Variants in COL22A1 observed in about 807,000 individuals in gnomAD.
The protein encoded by COL22A1 is collagen alpha-1(XXII) chain.
In COL22A1, 221 loss-of-function variants were observed where a neutral mutation model predicts 248.9. The observed-to-expected ratio is 0.89, with a 90% CI of 0.80 to 0.99. COL22A1 has a LOEUF of 0.99. COL22A1 is among the 50% of genes least tolerant of loss of function. COL22A1 has a pLI of 0.00. For synonymous variants in COL22A1, 891 were observed against 793.4 expected (o/e 1.12, Z -2.07); for missense variants, 2,240 against 2,179.0 (o/e 1.03, Z -0.56).
At chr8:138,680,165 C>G (rs1587844995) in intron 39 of COL22A1, among the ~76,000 whole-genome samples, 1 of 152,284 alleles carries the variant, frequency 6.6e-6, no homozygotes, top group South Asian at 2.1e-4. Flanking sequence ...TAAGAAAGAA[C>G]AGAGCACATG....
chr8:138,613,369 A>G (rs1819054479), intron 56 of COL22A1, among the ~76,000 whole-genome samples: 1 of 152,128 alleles, frequency 6.6e-6, no homozygotes. Context: ...CGCCCTCGAG[A>G]GCCAGCAAAG....
chr8:138,857,290 C>T (rs1306497169), intron 3 of COL22A1, among the ~76,000 whole-genome samples: 1 of 152,196 alleles, frequency 6.6e-6, no homozygotes, highest in Admixed American at 6.5e-5. Flanking sequence ...TCTGCCCCCA[C>T]AGGCCCTACA....
chr8:138,882,481 T>G (rs116473789), intron 2 of COL22A1, among the ~76,000 whole-genome samples: 15,812 of 134,654 alleles, frequency 0.12, 891 homozygotes, highest in Middle Eastern at 0.19. Flanking sequence ...TCATACACAC[T>G]CCCTCGAACT....
intron 22 of COL22A1, among the ~76,000 whole-genome samples, chr8:138,743,457 T>C (rs114253972): frequency 6.8e-6 from 1 of 147,118 alleles, no homozygotes; most frequent in African/African-American, 2.5e-5. Flanking sequence ...GAGTTGATGG[T>C]TTTGGTGGTA....
At chr8:138,878,648 T>G (rs1190186785) in intron 2 of COL22A1, among the ~76,000 whole-genome samples, 1 of 152,186 alleles carries the variant, frequency 6.6e-6, no homozygotes, top group Non-Finnish European at 1.5e-5. Context: ...TTTTCATTAT[T>G]TTTCAACCTA....
chr8:138,672,148 C>A (rs534586252), intron 41 of COL22A1, among the ~76,000 whole-genome samples: 2 of 152,284 alleles, frequency 1.3e-5, no homozygotes, highest in East Asian at 3.9e-4. Context: ...GGGTTCCTGT[C>A]CTAGCTCTAC....
chr8:138,830,796 T>C (rs1819983457), intron 5 of COL22A1, among the ~76,000 whole-genome samples: 1 of 152,216 alleles, frequency 6.6e-6, no homozygotes, highest in Admixed American at 6.5e-5. Context: ...GATTTTTTTC[T>C]GCTTACAAGT....
chr8:138,900,459 G>A (rs1010135056), intron 1 of COL22A1, among the ~76,000 whole-genome samples: 7 of 152,158 alleles, frequency 4.6e-5, no homozygotes, highest in African/African-American at 1.2e-4. Flanking sequence ...CCTGTTTTCC[G>A]AACCTCCTTC....
At chr8:138,698,145 G>A (rs1280026297) in intron 32 of COL22A1, among the ~76,000 whole-genome samples, 2 of 152,208 alleles carry the variant, frequency 1.3e-5, no homozygotes, top group Admixed American at 6.5e-5. Flanking sequence ...GGACCTGAGG[G>A]AGGGAGGCCC....
chr8:138,882,072 C>T (rs919310387), intron 2 of COL22A1, among the ~76,000 whole-genome samples: 2 of 152,092 alleles, frequency 1.3e-5, no homozygotes, highest in African/African-American at 2.4e-5. Context: ...TGTCCATTTC[C>T]CCTGGAATGT....
At chr8:138,739,926 A>G (rs1344641353) in intron 22 of COL22A1, among the ~76,000 whole-genome samples, 1 of 152,206 alleles carries the variant, frequency 6.6e-6, no homozygotes, top group African/African-American at 2.4e-5. Context: ...GATACTTGCC[A>G]GGTAGAATTC....
At chr8:138,636,620 T>C (rs1334947137) in intron 48 of COL22A1, 122 bp downstream of exon 48, 6 of 757,346 alleles carry the variant, frequency 7.9e-6, no homozygotes, top group Non-Finnish European at 1.1e-5. Context: ...AAAAATGAGA[T>C]TTTAAAAAAT....
At chr8:138,888,814 A>G (rs938325754) in intron 1 of COL22A1, among the ~76,000 whole-genome samples, 1 of 152,198 alleles carries the variant, frequency 6.6e-6, no homozygotes, top group African/African-American at 2.4e-5. Context: ...TATGGAGACA[A>G]GGACTTGTCG....
chr8:138,894,853 T>C (rs1563897643), intron 1 of COL22A1, among the ~76,000 whole-genome samples: 1 of 152,054 alleles, frequency 6.6e-6, no homozygotes, highest in African/African-American at 2.4e-5. Flanking sequence ...ACTTTTATGG[T>C]AAAGAGTATT....
chr8:138,837,036 T>C (rs991842760), intron 4 of COL22A1, among the ~76,000 whole-genome samples: 20 of 152,094 alleles, frequency 1.3e-4, no homozygotes, highest in African/African-American at 4.8e-4. Context: ...CCTGTTTCCG[T>C]AACTGGAAAA....
chr8:138,679,958 T>C (rs1018639762), intron 39 of COL22A1, among the ~76,000 whole-genome samples: 5 of 152,196 alleles, frequency 3.3e-5, no homozygotes, highest in Admixed American at 2.0e-4. Context: ...CAGCCCAGTC[T>C]GGAAGCGTGG....
chr8:138,619,637 C>G, intron 52 of COL22A1, 129 bp from the exon 53 acceptor site: 1 of 818,082 alleles, frequency 1.2e-6, no homozygotes, highest in Non-Finnish European at 2.1e-6. Flanking sequence ...GCCCTTTCCC[C>G]TGGTGTCTTG....
intron 12 of COL22A1, among the ~76,000 whole-genome samples, chr8:138,781,653 C>T (rs1460012475): frequency 3.9e-5 from 6 of 152,202 alleles, no homozygotes; most frequent in Non-Finnish European, 8.8e-5. Context: ...CCTCACCCCA[C>T]TTTCTACTCC....
chr8:138,751,231 C>T (rs1374987687), intron 22 of COL22A1, among the ~76,000 whole-genome samples: 1 of 152,196 alleles, frequency 6.6e-6, no homozygotes, highest in African/African-American at 2.4e-5. Context: ...TATATGACTC[C>T]TGGCAGACAA....
Sources: gnomAD v4.1 joint callset for allele counts (sites outside exome capture counted in the v4.1 genomes callset) on GRCh38, gnomAD v4.1.1 for gene constraint, MANE v1.5 for transcripts, NCBI Gene and HGNC (gene_info 2026-07-23, HGNC 2026-07-21) for gene names.